Variants in EEFSEC observed in about 807,000 individuals in gnomAD.
The protein encoded by EEFSEC is selenocysteine-specific elongation factor.
EEFSEC carries 43 observed loss-of-function variants against 42.1 expected under a neutral mutation model. That is an observed-to-expected ratio of 1.02 (90% CI 0.80 to 1.32). The LOEUF (loss-of-function observed/expected upper bound fraction) is 1.32. EEFSEC is among the 40% of genes most tolerant of loss of function. The probability of loss-of-function intolerance (pLI) is 0.00; values close to 1 mark genes in which losing one functional copy is unlikely to be tolerated. For synonymous variants in EEFSEC, 354 were observed against 339.1 expected (o/e 1.04, Z -0.48); for missense variants, 745 against 803.6 (o/e 0.93, Z 0.88).
In EEFSEC at chr3:128,179,711, G is replaced by A. The variant is rs968655803; in HGVS notation, c.316+25888G>A. Among the ~76,000 whole-genome samples the A allele has an allele frequency of 3.3e-5, 5 of 152,212 alleles. No individual in the cohort carries two copies. The East Asian group carries it at 5.8e-4, about 18-fold the overall frequency. On this transcript the variant is annotated intron_variant, in intron 1 of 6. Coordinates refer to ENST00000254730, the MANE Select transcript of EEFSEC (RefSeq NM_021937.5). ...GTTAGCATTTCATTTAAAAGCGATC[G>A]GTACTTTTAAATTAAACATGCAAAG...
chr3:128,256,052 C>T (rs1022841911), intron 2 of EEFSEC, among the ~76,000 whole-genome samples: 15 of 152,202 alleles, frequency 9.9e-5, no homozygotes, highest in South Asian at 2.1e-4. Flanking sequence ...GAGGGACGTG[C>T]ACCACATGTC....
intron 1 of EEFSEC, among the ~76,000 whole-genome samples, chr3:128,239,477 G>A (rs973128640): frequency 2.6e-5 from 4 of 152,196 alleles, no homozygotes; most frequent in Non-Finnish European, 5.9e-5. Context: ...GAGGTCAAGA[G>A]GTGTACTTGC....
intron 1 of EEFSEC, among the ~76,000 whole-genome samples, chr3:128,192,386 C>T (rs1422740782): frequency 6.6e-6 from 1 of 152,124 alleles, no homozygotes; most frequent in East Asian, 1.9e-4. Context: ...GCCCTGGACC[C>T]GCTCTTCTCC....
chr3:128,410,787 C>T (rs900026213), downstream of EEFSEC, among the ~76,000 whole-genome samples: 1 of 152,178 alleles, frequency 6.6e-6, no homozygotes, highest in Admixed American at 6.5e-5. Flanking sequence ...GGAAGTGACA[C>T]CAGCCCCAAA....
chr3:128,390,753 C>T (rs2067902737), intron 6 of EEFSEC, among the ~76,000 whole-genome samples: 1 of 152,178 alleles, frequency 6.6e-6, no homozygotes, highest in Non-Finnish European at 1.5e-5. Context: ...TAGCAGGAGA[C>T]CCCACTTTCT....
At chr3:128,232,771 A>G (rs942768917) in intron 1 of EEFSEC, among the ~76,000 whole-genome samples, 1 of 152,196 alleles carries the variant, frequency 6.6e-6, no homozygotes, top group Non-Finnish European at 1.5e-5. Flanking sequence ...ATAGACTATG[A>G]CACGGTAGCT....
At chr3:128,326,715 G>A (rs1023470974) in intron 4 of EEFSEC, among the ~76,000 whole-genome samples, 3 of 152,158 alleles carry the variant, frequency 2.0e-5, no homozygotes, top group African/African-American at 2.4e-5. Flanking sequence ...ATTGGAACTG[G>A]ATTCTATTAC....
intron 1 of EEFSEC, among the ~76,000 whole-genome samples, chr3:128,168,895 C>T (rs1045174267): frequency 2.0e-5 from 3 of 152,112 alleles, no homozygotes; most frequent in Admixed American, 1.3e-4. Flanking sequence ...TTTGGTTAGG[C>T]GACCTTATTC....
At chr3:128,419,199 C>A in the EEFSEC span, among the ~76,000 whole-genome samples, 4 of 152,190 alleles carry the variant, frequency 2.6e-5, 1 homozygote, top group South Asian at 8.3e-4. Context: ...CACTCACTCA[C>A]ATGTGTGCAC....
chr3:128,307,291 A>G (rs2066838649), intron 4 of EEFSEC, among the ~76,000 whole-genome samples: 1 of 152,244 alleles, frequency 6.6e-6, no homozygotes, highest in Non-Finnish European at 1.5e-5. Flanking sequence ...CACCCAGTTC[A>G]GAGTCCATGT....
At chr3:128,382,923 G>T (rs913779556) in intron 6 of EEFSEC, among the ~76,000 whole-genome samples, 11 of 152,188 alleles carry the variant, frequency 7.2e-5, no homozygotes, top group Non-Finnish European at 1.5e-4. Flanking sequence ...ACAAGGGAGC[G>T]GGCAGAGGAG....
intron 1 of EEFSEC, among the ~76,000 whole-genome samples, chr3:128,216,239 A>G (rs1398173193): frequency 1.3e-5 from 2 of 152,254 alleles, no homozygotes; most frequent in Non-Finnish European, 2.9e-5. Context: ...CAGAAAAATA[A>G]ACAAATTGAG....
At chr3:128,357,495 G>C (rs929145993) in intron 5 of EEFSEC, among the ~76,000 whole-genome samples, 1 of 152,256 alleles carries the variant, frequency 6.6e-6, no homozygotes, top group South Asian at 2.1e-4. Flanking sequence ...TGGACTGAGG[G>C]AGGGTGTCAT....
intron 6 of EEFSEC, among the ~76,000 whole-genome samples, chr3:128,403,101 A>T (rs185112167): frequency 3.9e-5 from 6 of 152,332 alleles, no homozygotes; most frequent in African/African-American, 1.4e-4. Flanking sequence ...GGCCTCACCA[A>T]GAGGTGACAG....
At chr3:128,345,683 A>G (rs148455236) in intron 5 of EEFSEC, among the ~76,000 whole-genome samples, 32 of 152,360 alleles carry the variant, frequency 2.1e-4, no homozygotes, top group African/African-American at 6.0e-4. Flanking sequence ...CTACTTTGCA[A>G]GCACAGTTAG....
chr3:128,233,467 A>G (rs898721815), intron 1 of EEFSEC, among the ~76,000 whole-genome samples: 1 of 152,228 alleles, frequency 6.6e-6, no homozygotes, highest in African/African-American at 2.4e-5. Flanking sequence ...GATGTGGATC[A>G]GCTGTTTTGA....
chr3:128,327,591 G>A (rs1290222496), intron 4 of EEFSEC, among the ~76,000 whole-genome samples: 1 of 152,202 alleles, frequency 6.6e-6, no homozygotes, highest in Admixed American at 6.5e-5. Context: ...GAATAAGGGA[G>A]ATGGGCCATG....
chr3:128,230,887 T>A (rs554806011), intron 1 of EEFSEC, among the ~76,000 whole-genome samples: 1 of 152,216 alleles, frequency 6.6e-6, no homozygotes, highest in South Asian at 2.1e-4. Context: ...CCAGGAAGTT[T>A]CCTTCACAGT....
intron 6 of EEFSEC, among the ~76,000 whole-genome samples, chr3:128,367,033 G>A (rs544866491): frequency 6.6e-6 from 1 of 151,976 alleles, no homozygotes; most frequent in African/African-American, 2.4e-5. Context: ...CTTGCAGACG[G>A]CTGCCTTCTC....
Sources: allele counts gnomAD v4.1 joint callset (sites outside exome capture counted in the v4.1 genomes callset), GRCh38; gene constraint gnomAD v4.1.1; transcripts MANE v1.5; gene names NCBI Gene and HGNC (gene_info 2026-07-23, HGNC 2026-07-21).